The following FBN1 variants were observed in gnomAD, a reference collection of about 807,000 sequenced individuals.
FBN1 encodes the protein fibrillin 1.
Under a neutral mutation model 365.1 loss-of-function variants are expected in FBN1, and 29 were observed. The observed-to-expected ratio is 0.08, with a 90% CI of 0.06 to 0.11. The LOEUF is 0.11. FBN1 is among the 10% of genes least tolerant of loss of function. The probability of loss-of-function intolerance (pLI) is 1.00; values close to 1 mark genes in which losing one functional copy is unlikely to be tolerated. For missense variants in FBN1, 2,476 were observed against 3,703.2 expected (o/e 0.67, Z 8.60); for synonymous variants, 1,210 against 1,270.5 (o/e 0.95, Z 1.01).
chr15:48,484,031 A>C, intron 30 of FBN1, 88 bp from the exon 31 acceptor site: 4 of 1,319,858 alleles, frequency 3.0e-6, no homozygotes, highest in Non-Finnish European at 4.3e-6. Context: ...AGTCAAATAA[A>C]CTTAGCCTAC....
At chr15:48,619,821 G>A (rs1285421177) in intron 2 of FBN1, among the ~76,000 whole-genome samples, 4 of 149,650 alleles carry the variant, frequency 2.7e-5, no homozygotes, top group South Asian at 2.1e-4. Context: ...ATCATGACAC[G>A]AGTTTACCTG....
At position 48,408,616 on chromosome 15, in the gene FBN1, G is replaced by A. The variant is rs2042836674; in HGVS notation, c.*2374C>T. ...TCAACTATTGAAAGTGAAATTGAAA[G>A]GTCACAGACAATTGAAAGGTACAGG... On this transcript the variant is annotated 3_prime_UTR_variant, in exon 66 of 66. Transcript: ENST00000316623. 1.3e-5 allele frequency: 2 copies of A among 152,554 alleles called. No individual in the cohort carries two copies. Among genetic ancestry groups the A allele is most frequent in the Admixed American group, 6.6e-5 (1 of 15,266 alleles). The allele number at this position is 152,554 out of a possible 1,614,324, so 9.5% of individuals were successfully genotyped here. A position where few individuals can be genotyped will look rare whatever the true frequency, so the allele number is the denominator to read the frequency against.
At chr15:48,486,960 G>A in intron 29 of FBN1, 115 bp downstream of exon 29, 2 of 816,596 alleles carry the variant, frequency 2.4e-6, no homozygotes, top group Non-Finnish European at 1.7e-6. Context: ...AAAACTCAGA[G>A]TACATAGAGT....
chr15:48,438,252 C>T (rs1205295043), intron 50 of FBN1, among the ~76,000 whole-genome samples: 3 of 152,184 alleles, frequency 2.0e-5, no homozygotes, highest in Non-Finnish European at 4.4e-5. Flanking sequence ...GGAAAGTCCA[C>T]AGAAGGAATC....
At position 48,497,402 on chromosome 15, in the gene FBN1, A is replaced by C. The variant is rs769399615; in HGVS notation, c.2168-11T>G. 3.1e-6 allele frequency: 5 copies of C among 1,610,740 alleles called. No homozygotes were observed. The highest frequency in any genetic ancestry group is 1.7e-5 in the Admixed American group (1 of 59,998). On this transcript the variant is annotated splice_polypyrimidine_tract_variant and intron_variant, in intron 18 of 65. Coordinates refer to ENST00000316623, the MANE Select transcript of FBN1 (RefSeq NM_000138.5). ...CACATTCATTTATATCTGCACCACAAAAAAGGTCAAAATCAATTAAGATTA... is the reference window on the plus strand; with the variant it reads ...CACATTCATTTATATCTGCACCACACAAAAGGTCAAAATCAATTAAGATTA...
intron 58 of FBN1, 140 bp downstream of exon 58, chr15:48,427,427 A>G: frequency 1.1e-6 from 1 of 874,768 alleles, no homozygotes; most frequent in Non-Finnish European, 1.8e-6. Flanking sequence ...CTAAAACTCC[A>G]TAATGAAGAA....
chr15:48,500,957 A>T (rs529944787), intron 17 of FBN1, among the ~76,000 whole-genome samples: 45 of 152,222 alleles, frequency 3.0e-4, no homozygotes, highest in Non-Finnish European at 6.3e-4. Context: ...TACTTTAAAC[A>T]GCCTACCCCC....
At chr15:48,501,898 T>C (rs566504941) in intron 17 of FBN1, among the ~76,000 whole-genome samples, 1 of 152,370 alleles carries the variant, frequency 6.6e-6, no homozygotes, top group African/African-American at 2.4e-5. Flanking sequence ...GGTATTTGTA[T>C]ATAATAAAAG....
intron 9 of FBN1, among the ~76,000 whole-genome samples, chr15:48,525,556 C>T (rs979487518): frequency 3.9e-5 from 6 of 152,128 alleles, no homozygotes; most frequent in East Asian, 1.9e-4. Context: ...CTGTGCCCTC[C>T]GCAATCCCTG....
At chr15:48,591,107 G>A (rs1235358804) in intron 6 of FBN1, among the ~76,000 whole-genome samples, 1 of 152,204 alleles carries the variant, frequency 6.6e-6, no homozygotes, top group African/African-American at 2.4e-5. Context: ...CTCACATAAA[G>A]TTTGACATTA....
At chr15:48,475,710 GT>G (rs896301604) in intron 32 of FBN1, among the ~76,000 whole-genome samples, 1 of 152,190 alleles carries the variant, frequency 6.6e-6, no homozygotes, top group African/African-American at 2.4e-5. Flanking sequence ...AGTAATTCAT[GT>G]TTGCCTTTTT....
At chr15:48,638,049 T>TTTTTTA (rs1166918287) in intron 2 of FBN1, among the ~76,000 whole-genome samples, 1 of 152,044 alleles carries the variant, frequency 6.6e-6, no homozygotes, top group African/African-American at 2.4e-5. Context: ...TTTTTTTTTT[T>TTTTTTA]TTTAAGACAG....
chr15:48,635,292 C>G (rs993247586), intron 2 of FBN1, among the ~76,000 whole-genome samples: 4 of 152,166 alleles, frequency 2.6e-5, no homozygotes, highest in Admixed American at 2.0e-4. Flanking sequence ...TCAGTGATAA[C>G]TTCAACCAAA....
chr15:48,417,177 T>C (rs1431322360), intron 63 of FBN1, among the ~76,000 whole-genome samples: 1 of 152,226 alleles, frequency 6.6e-6, no homozygotes, highest in Non-Finnish European at 1.5e-5. Context: ...CTCCTGTAAT[T>C]AGTTTACCTT....
In FBN1 at chr15:48,452,704, G is replaced by A. The variant is rs766632967; in HGVS notation, c.5423-20C>T. ...CAATATCTACGAGCAGAAGAGAACTGAATTTGAAGGAGAACAGAATCTGGT... is the reference window on the plus strand; with the variant it reads ...CAATATCTACGAGCAGAAGAGAACTAAATTTGAAGGAGAACAGAATCTGGT... On this transcript the variant is annotated intron_variant, in intron 44 of 65. Transcript: ENST00000316623. 1 of 1,613,758 alleles carries A rather than the reference G, an allele frequency of 6.2e-7. No individual in the cohort carries two copies. Among genetic ancestry groups the A allele is most frequent in the Non-Finnish European group, 8.5e-7 (1 of 1,179,870 alleles).
At chr15:48,509,529 ATAT>A (rs1255138180) in intron 14 of FBN1, among the ~76,000 whole-genome samples, 1 of 148,012 alleles carries the variant, frequency 6.8e-6, no homozygotes, top group Admixed American at 6.8e-5. Context: ...TATTTTATGA[ATAT>A]TATCTATTAC....
Position 48,421,703 on chromosome 15 carries a change from G to C in FBN1, c.7571-17C>G. 6.2e-7 allele frequency: 1 copy of C among 1,611,892 alleles called. No homozygotes were observed. The highest frequency in any genetic ancestry group is 8.5e-7 in the Non-Finnish European group (1 of 1,179,096). ...CATTGTTATCTATGAGAAGCAGTGG[G>C]GGCAAAGAGGGGTTAAAATTCCCCA... On this transcript the variant is annotated splice_polypyrimidine_tract_variant and intron_variant, in intron 61 of 65. Transcript: ENST00000316623.
At chr15:48,593,126 C>T (rs1392746576) in intron 6 of FBN1, among the ~76,000 whole-genome samples, 2 of 152,178 alleles carry the variant, frequency 1.3e-5, no homozygotes, top group Non-Finnish European at 2.9e-5. Context: ...ATGAGATCTG[C>T]TGCTTCTCTC....
At chr15:48,589,061 C>T (rs538251481) in intron 6 of FBN1, among the ~76,000 whole-genome samples, 3 of 152,272 alleles carry the variant, frequency 2.0e-5, no homozygotes, top group Admixed American at 6.5e-5. Flanking sequence ...AGCTAGGGGC[C>T]GCCAAAAAGA....
Sources: allele counts gnomAD v4.1 joint callset (sites outside exome capture counted in the v4.1 genomes callset), GRCh38; gene constraint gnomAD v4.1.1; transcripts MANE v1.5; gene names NCBI Gene and HGNC (gene_info 2026-07-23, HGNC 2026-07-21).